HSD3B7: variants seen among roughly 807,000 people sequenced by gnomAD.
The protein encoded by HSD3B7 is hydroxy-delta-5-steroid dehydrogenase, 3 beta- and steroid delta-isomerase 7, also known as 3 beta-hydroxysteroid dehydrogenase type 7.
In HSD3B7, 35 loss-of-function variants were observed where a neutral mutation model predicts 34.3. The ratio of observed to expected loss-of-function variants is 1.02; its 90% CI spans 0.78 to 1.35. The LOEUF (loss-of-function observed/expected upper bound fraction) is 1.35, where lower values mean the gene tolerates loss of function less well. HSD3B7 is among the 40% of genes most tolerant of loss of function. The pLI is 0.00. For missense variants in HSD3B7, 426 were observed against 504.7 expected (o/e 0.84, Z 1.49); for synonymous variants, 217 against 220.1 (o/e 0.99, Z 0.13).
chr16:30,988,065 TCACCGTCAGCACCGA>T lies in HSD3B7; in HGVS notation c.995_1009del (p.Thr332_Asp336del). 1 of 1,606,380 alleles carries T rather than the reference TCACCGTCAGCACCGA, an allele frequency of 6.2e-7. No individual in the cohort carries two copies. The highest frequency in any genetic ancestry group is 1.7e-4 in the Middle Eastern group (1 of 6,056). ...ACGCTGGCCGTGGCCAACACCACCT[TCACCGTCAGCACCGA>T]CAAGGCTCAGCGCCATTTCGGCTAT... On this transcript the variant is annotated inframe_deletion, in exon 7 of 7. Transcript: ENST00000297679.
At chr16:30,987,567 C>G (rs1008890816) in intron 6 of HSD3B7, 8 of 644,120 alleles carry the variant, frequency 1.2e-5, no homozygotes, top group Non-Finnish European at 2.2e-5. Context: ...TATCCTCTCC[C>G]CAGGTTCTTT....
chr16:30,988,504 TG>T lies in HSD3B7; in HGVS notation c.*322del. 1.3e-5 allele frequency: 4 copies of T among 298,870 alleles called. No homozygotes were observed. The highest frequency in any genetic ancestry group is 1.9e-5 in the Non-Finnish European group (3 of 157,164). The allele number at this position is 298,870 out of a possible 1,614,324, so 18.5% of individuals were successfully genotyped here. ...CACGCCACCACACCTGGCTTTTTTT[TG>T]TTGTTTTTAGAGACAGGGTCTCACT... On this transcript the variant is annotated 3_prime_UTR_variant, in exon 7 of 7. Coordinates refer to ENST00000297679, the MANE Select transcript of HSD3B7 (RefSeq NM_025193.4).
chr16:30,985,488 C>A (rs1364191454), intron 1 of HSD3B7, 165 bp from the exon 2 acceptor site: 1 of 1,497,546 alleles, frequency 6.7e-7, no homozygotes, highest in Non-Finnish European at 8.9e-7. Context: ...ACTCAGCCAT[C>A]AGCAGGGGCA....
At chr16:30,985,905 G>T in intron 2 of HSD3B7, 81 bp downstream of exon 2, 1 of 1,585,536 alleles carries the variant, frequency 6.3e-7, no homozygotes, top group Non-Finnish European at 8.6e-7. Flanking sequence ...CACCCCTGCA[G>T]TGGAACAGAT....
Position 30,988,113 on chromosome 16 carries a change from T to G in HSD3B7, c.1040T>G (p.Leu347Arg). ...KAQRHFGYEP[L>R]FSWEDSRTRT... ...CAGCGCCATTTCGGCTATGAGCCCC[T>G]GTTCTCGTGGGAGGATAGCCGGACC... Residue 347 changes from leucine (L) to arginine (R), a missense_variant, in exon 7 of 7, where the codon CTG becomes CGG. By Grantham distance (102) the Leu-to-Arg change is moderately radical. Coordinates refer to ENST00000297679, the MANE Select transcript of HSD3B7 (RefSeq NM_025193.4). 6.2e-7 allele frequency: 1 copy of G among 1,606,284 alleles called. No homozygotes were observed. Among genetic ancestry groups the G allele is most frequent in the Non-Finnish European group, 8.5e-7 (1 of 1,178,348 alleles).
At chr16:30,986,731 G>C (rs774171925) in intron 5 of HSD3B7, 27 bp downstream of exon 5, 9 of 1,609,796 alleles carry the variant, frequency 5.6e-6, no homozygotes, top group Non-Finnish European at 7.6e-6. Flanking sequence ...GAGGCGCAGA[G>C]ATGGGGCTCC....
In HSD3B7 at chr16:30,988,577, C is replaced by A. The variant is rs980103106; in HGVS notation, c.*394C>A. 10 of 185,848 alleles carry A rather than the reference C, an allele frequency of 5.4e-5. No individual in the cohort carries two copies. Among genetic ancestry groups the A allele is most frequent in the Admixed American group, 5.4e-4 (10 of 18,670 alleles). 11.5% of individuals were successfully genotyped at this position (185,848 alleles called of 1,614,324 possible). On this transcript the variant is annotated 3_prime_UTR_variant, in exon 7 of 7. Transcript: ENST00000297679. ...AACTCCTGGGCTCAAGTGATCTTCC[C>A]ACGTGGGCCTCCCAAAACGCTGGAA...
intron 6 of HSD3B7, 103 bp from the exon 7 acceptor site, chr16:30,987,665 G>A: frequency 1.5e-6 from 2 of 1,348,666 alleles, no homozygotes; most frequent in Non-Finnish European, 2.1e-6. Context: ...GATGTGGGCG[G>A]CAACTACCTG....
chr16:30,985,355 C>G lies in HSD3B7; in HGVS notation c.-7+58C>G. Reference sequence around the variant, plus strand: ...CTTTCCCTCCATCCGGCCCTTCCCACCTTCCTATAACCTTCCCTCCACCTC... The same window carrying G: ...CTTTCCCTCCATCCGGCCCTTCCCAGCTTCCTATAACCTTCCCTCCACCTC... On this transcript the variant is annotated intron_variant, in intron 1 of 6. Transcript: ENST00000297679. 2.3e-6 allele frequency: 3 copies of G among 1,291,190 alleles called. No individual in the cohort carries two copies. In the South Asian group the frequency reaches 4.7e-5, roughly 20 times the overall value. 80.0% of individuals were successfully genotyped at this position (1,291,190 alleles called of 1,614,324 possible). A position where few individuals can be genotyped will look rare whatever the true frequency, so the allele number is the denominator to read the frequency against.
At position 30,986,422 on chromosome 16, in the gene HSD3B7, G is replaced by C; in HGVS notation, c.323-1G>C. 6.2e-7 allele frequency: 1 copy of C among 1,613,674 alleles called. No homozygotes were observed. Among genetic ancestry groups the C allele is most frequent in the Non-Finnish European group, 8.5e-7 (1 of 1,179,656 alleles). ...CTTGGATACGCCTCCTCCTCTGCCA[G>C]GTACCCGGAACGTGATCGAGGCTTG... On this transcript the variant is annotated splice_acceptor_variant, in intron 3 of 6. Coordinates refer to ENST00000297679, the MANE Select transcript of HSD3B7 (RefSeq NM_025193.4). LOFTEE classifies it high-confidence loss of function.
Position 30,986,624 on chromosome 16 carries a change from T to C in HSD3B7, c.451T>C (p.Tyr151His), listed in dbSNP as rs2056483690. Residue 151 changes from tyrosine (Y) to histidine (H), a missense_variant, in exon 5 of 7, where the codon TAC (tyrosine) becomes CAC (histidine). Tyr to His is a moderately conservative substitution (Grantham distance 83, BLOSUM62 2). Transcript: ENST00000297679. ...PFYRGNEDTP[Y>H]EAVHRHPYPC... The stretch of plus-strand genomic sequence containing the variant: ...CACCAGGGGCAACGAAGACACCCCA[T>C]ACGAAGCAGTGCACAGGCACCCCTA... 4.3e-6 allele frequency: 7 copies of C among 1,614,150 alleles called. No individual in the cohort carries two copies. Among genetic ancestry groups the C allele is most frequent in the South Asian group, 2.2e-5 (2 of 91,078 alleles).
intron 6 of HSD3B7, 189 bp downstream of exon 6, chr16:30,987,191 T>C (rs1298619314): frequency 4.7e-6 from 3 of 640,272 alleles, no homozygotes; most frequent in East Asian, 5.5e-5. Context: ...TCCATGCAAG[T>C]TGGGACATTA....
Position 30,986,626 on chromosome 16 carries a change from C to A in HSD3B7, c.453C>A (p.Tyr151Ter). ...CCAGGGGCAACGAAGACACCCCATA[C>A]GAAGCAGTGCACAGGCACCCCTATC... ...PFYRGNEDTPYEAVHRHPYPC... is the reference protein window; with the variant it reads ...PFYRGNEDTP Residue 151 changes from tyrosine to a stop codon, truncating the protein, a stop_gained, in exon 5 of 7, where the codon TAC becomes TAA. Coordinates refer to ENST00000297679, the MANE Select transcript of HSD3B7 (RefSeq NM_025193.4). LOFTEE classifies it high-confidence loss of function. 1 of 1,614,196 alleles carries A rather than the reference C, an allele frequency of 6.2e-7. No homozygotes were observed. Among genetic ancestry groups the A allele is most frequent in the Non-Finnish European group, 8.5e-7 (1 of 1,180,032 alleles).
chr16:30,986,556 CTAAG>C (rs1272998641), intron 4 of HSD3B7, 25 bp downstream of exon 4: 139 of 1,612,888 alleles, frequency 8.6e-5, no homozygotes, highest in Non-Finnish European at 1.1e-4. Context: ...CTCTTGTCCT[CTAAG>C]AGCCCATTTC....
intron 6 of HSD3B7, 28 bp from the exon 7 acceptor site, chr16:30,987,740 G>T: frequency 1.9e-6 from 3 of 1,606,776 alleles, no homozygotes; most frequent in Non-Finnish European, 2.5e-6. Flanking sequence ...ACTCAGGGGT[G>T]TGTCCGCCTC....
chr16:30,988,030 G>A lies in HSD3B7; in HGVS notation c.957G>A (p.Leu319=), dbSNP rs1422359758. 6 of 1,607,698 alleles carry A rather than the reference G, an allele frequency of 3.7e-6. 1 individual carries two copies. Among genetic ancestry groups the A allele is most frequent in the East Asian group, 2.2e-5 (1 of 44,882 alleles). The change falls in exon 7 of 7, where the codon CTG becomes CTA. Residue 319 remains leucine (L), a synonymous_variant. Transcript: ENST00000297679. ...LRPLVLYAPL[L]NPYTLAVANT... ...CACTGGTGCTCTACGCACCCCTGCT[G>A]AACCCCTACACGCTGGCCGTGGCCA...
chr16:30,986,556 C>G, intron 4 of HSD3B7, 25 bp downstream of exon 4: 1 of 1,613,006 alleles, frequency 6.2e-7, no homozygotes, highest in Non-Finnish European at 8.5e-7. Context: ...CTCTTGTCCT[C>G]TAAGAGCCCA....
chr16:30,986,234 T>C, intron 3 of HSD3B7, 30 bp downstream of exon 3: 1 of 1,609,276 alleles, frequency 6.2e-7, no homozygotes, highest in Non-Finnish European at 8.5e-7. Context: ...CCTGGCCATC[T>C]TGCCTGTTTG....
In HSD3B7 at chr16:30,986,978, G is replaced by C. The variant is rs373090936; in HGVS notation, c.670G>C (p.Val224Leu). 4 of 1,612,560 alleles carry C rather than the reference G, an allele frequency of 2.5e-6. No homozygotes were observed. Among genetic ancestry groups the C allele is most frequent in the Non-Finnish European group, 3.4e-6 (4 of 1,179,432 alleles). ...GCTCTTCCGGGCCATCCCGGCCTCT[G>C]TGGAGCATGGCCGGGTCTATGTGGG... ...GWLFRAIPAS[V>L]EHGRVYVGNV... Residue 224 changes from valine to leucine, a missense_variant, in exon 6 of 7, where the codon GTG becomes CTG. By Grantham distance (32) the Val-to-Leu change is conservative. Coordinates refer to ENST00000297679, the MANE Select transcript of HSD3B7 (RefSeq NM_025193.4).
Sources: gnomAD v4.1 joint callset for allele counts on GRCh38, gnomAD v4.1.1 for gene constraint, MANE v1.5 for transcripts, NCBI Gene and HGNC (gene_info 2026-07-23, HGNC 2026-07-21) for gene names.